Variants in PML observed in about 807,000 individuals in gnomAD.
The protein encoded by PML is PML nuclear body scaffold, also known as protein PML.
A neutral mutation model predicts 65.2 loss-of-function variants in PML; 28 were observed. That is an observed-to-expected ratio of 0.43 (90% CI 0.32 to 0.59). The LOEUF is 0.59. Ranked by LOEUF, PML falls within the 20% of genes least tolerant of loss-of-function variation. PML has a pLI of 0.08. For synonymous variants in PML, 500 were observed against 508.8 expected (o/e 0.98, Z 0.23); for missense variants, 1,021 against 1,203.4 (o/e 0.85, Z 2.24).
chr15:74,043,142 G>T lies in PML; in HGVS notation c.1861+3G>T. The T allele has an allele frequency of 6.2e-7, 1 of 1,613,752 alleles. No individual in the cohort carries two copies. Among genetic ancestry groups the T allele is most frequent in the South Asian group, 1.1e-5 (1 of 91,056 alleles). On this transcript the variant is annotated splice_donor_region_variant and intron_variant, in intron 8 of 8. Transcript: ENST00000268058. The surrounding 1 kb of genome is among the most constrained non-coding windows in gnomAD (Gnocchi z 4.3). ...TGACCTCAAGATTGACAATGAAAGTGGGTTCTCCTGGGGCTACCCCCACCC... is the reference window on the plus strand; with the variant it reads ...TGACCTCAAGATTGACAATGAAAGTTGGTTCTCCTGGGGCTACCCCCACCC...
At chr15:74,038,166 A>G (rs1223304202) in intron 7 of PML, among the ~76,000 whole-genome samples, 5 of 152,178 alleles carry the variant, frequency 3.3e-5, no homozygotes. Context: ...GTAAAATTAA[A>G]GCTACCACTG....
At chr15:74,003,843 A>G (rs1427617653) in intron 2 of PML, among the ~76,000 whole-genome samples, 2 of 152,214 alleles carry the variant, frequency 1.3e-5, no homozygotes, top group Non-Finnish European at 1.5e-5. Context: ...ATACTCCATC[A>G]AGTAATTAAA....
In PML at chr15:74,042,001, A is replaced by C. The variant is rs979639480; in HGVS notation, c.1711-988A>C. Among the ~76,000 whole-genome samples the C allele has an allele frequency of 7.9e-5, 12 of 152,170 alleles. No individual in the cohort carries two copies. The highest frequency in any genetic ancestry group is 2.9e-4 in the African/African-American group (12 of 41,424). The stretch of plus-strand genomic sequence containing the variant: ...AACGTCCACAGGTGGCATTCATGGG[A>C]GGTTCCAAGTTGGTCATCAAAGACT... On this transcript the variant is annotated intron_variant, in intron 7 of 8. Coordinates refer to ENST00000268058, the MANE Select transcript of PML (RefSeq NM_033238.3). This position sits in a 1 kb window ranked among gnomAD's most constrained non-coding sequence, Gnocchi z 5.3.
At chr15:74,025,937 C>T in intron 4 of PML, 1 of 152,520 alleles carries the variant, frequency 6.6e-6, no homozygotes, top group Non-Finnish European at 1.5e-5. Context: ...CTAGCTTTTG[C>T]CATGGCATGA....
At chr15:74,034,396 G>A in intron 6 of PML, 82 bp from the exon 7 acceptor site, 1 of 1,599,726 alleles carries the variant, frequency 6.3e-7, no homozygotes, top group Non-Finnish European at 8.6e-7. Context: ...TGGCCTGCAA[G>A]GATTCCCATA....
intron 2 of PML, among the ~76,000 whole-genome samples, chr15:74,001,123 C>T (rs1026082812): frequency 3.3e-5 from 5 of 152,068 alleles, no homozygotes; most frequent in Non-Finnish European, 7.4e-5. Context: ...AACTATACCC[C>T]CTTTTTTTAT....
rs1379273437 is a variant in PML, at chr15:74,035,911, C to T, written c.1710+1381C>T. ...CCACCCTGTGCCCCAGAAAGGCCCC[C>T]CATCAGCCCAGTCCCAGGCGCCCGT... On this transcript the variant is annotated intron_variant, in intron 7 of 8. Transcript: ENST00000268058. The surrounding 1 kb of genome is among the most constrained non-coding windows in gnomAD (Gnocchi z 4.1). 1 of 1,613,932 alleles carries T rather than the reference C, an allele frequency of 6.2e-7. No homozygotes were observed.
rs370009213 is a variant in PML, at chr15:74,035,912, C to A, written c.1710+1382C>A. On this transcript the variant is annotated intron_variant, in intron 7 of 8. Transcript: ENST00000268058. The surrounding 1 kb of genome is among the most constrained non-coding windows in gnomAD (Gnocchi z 4.1). ...CACCCTGTGCCCCAGAAAGGCCCCC[C>A]ATCAGCCCAGTCCCAGGCGCCCGTC... 8.1e-6 allele frequency: 13 copies of A among 1,613,808 alleles called. No homozygotes were observed. The highest frequency in any genetic ancestry group is 1.1e-5 in the South Asian group (1 of 91,092).
At chr15:74,017,130 T>G (rs2070629056) in intron 2 of PML, among the ~76,000 whole-genome samples, 1 of 152,140 alleles carries the variant, frequency 6.6e-6, no homozygotes, top group Non-Finnish European at 1.5e-5. Flanking sequence ...ATGGTTTCTT[T>G]TATTTCTTCA....
chr15:74,022,541 G>T (rs2070886935), intron 2 of PML, among the ~76,000 whole-genome samples: 1 of 152,148 alleles, frequency 6.6e-6, no homozygotes, highest in African/African-American at 2.4e-5. Flanking sequence ...TCCTCGGTGG[G>T]GAAGGGAAAT....
intron 2 of PML, among the ~76,000 whole-genome samples, chr15:74,021,312 C>G (rs2070822957): frequency 6.6e-6 from 1 of 152,176 alleles, no homozygotes; most frequent in South Asian, 2.1e-4. Flanking sequence ...CCAGGCCAGG[C>G]ACGGTGGCTC....
rs185325340 is a variant in PML at position 74,014,683 on chromosome 15, A to T, written c.603-8145A>T. Among the ~76,000 whole-genome samples, 6 of 150,264 alleles carry T rather than the reference A, an allele frequency of 4.0e-5. No individual in the cohort carries two copies. The East Asian group carries it at 1.2e-3, about 31-fold the overall frequency. On this transcript the variant is annotated intron_variant, in intron 2 of 8. Transcript: ENST00000268058. ...AGGCTGAGGCAGGAGAATCACTTGA[A>T]CCTGGAAGGCAGAGGTTGCAGTGAG...
chr15:73,997,994 G>T lies in PML; in HGVS notation c.130-10G>T. The T allele has an allele frequency of 1.2e-6, 2 of 1,610,906 alleles. No homozygotes were observed. Among genetic ancestry groups the T allele is most frequent in the South Asian group, 2.2e-5 (2 of 90,976 alleles). On this transcript the variant is annotated splice_polypyrimidine_tract_variant and intron_variant, in intron 1 of 8. Transcript: ENST00000268058. ...TTCTCCAGGCCTCACCTGCCTCTCTGGTCCCCCAGCGAGCCCCCGCTTCGG... is the reference window on the plus strand; with the variant it reads ...TTCTCCAGGCCTCACCTGCCTCTCTTGTCCCCCAGCGAGCCCCCGCTTCGG...
At chr15:74,002,255 T>C (rs539967594) in intron 2 of PML, among the ~76,000 whole-genome samples, 14 of 152,104 alleles carry the variant, frequency 9.2e-5, no homozygotes, top group African/African-American at 3.1e-4. Flanking sequence ...TTCCTAGCAA[T>C]AATCCTTAGA....
intron 2 of PML, among the ~76,000 whole-genome samples, chr15:74,000,082 C>T (rs1360933511): frequency 2.0e-5 from 3 of 152,140 alleles, no homozygotes; most frequent in East Asian, 3.9e-4. Flanking sequence ...CCACCTGCCT[C>T]GGCCTCCCAA....
intron 2 of PML, among the ~76,000 whole-genome samples, chr15:74,003,024 G>A (rs941999274): frequency 1.3e-5 from 2 of 152,134 alleles, no homozygotes; most frequent in African/African-American, 2.4e-5. Context: ...TATTCGGGAG[G>A]TGGAGGTATT....
rs2141898339 is a variant in PML, at chr15:74,044,507, G to A, written c.2148G>A (p.Glu716=). The part of the protein sequence containing the change: ...GFLAALPLIR[E]RVPGASSFKL... ...TGGCTGCCCTGCCTCTCATCCGGGA[G>A]CGTGTGCCCGGGGCCAGCAGCTTCA... The change falls in exon 9 of 9, where the codon GAG becomes GAA. Residue 716 remains glutamate (E), a synonymous_variant. Transcript: ENST00000268058. The A allele has an allele frequency of 1.9e-6, 3 of 1,614,130 alleles. No individual in the cohort carries two copies. Among genetic ancestry groups the A allele is most frequent in the Non-Finnish European group, 2.5e-6 (3 of 1,180,034 alleles).
intron 7 of PML, 173 bp downstream of exon 7, chr15:74,034,703 T>A: frequency 6.5e-7 from 1 of 1,533,472 alleles, no homozygotes. Context: ...GCTGCATGCC[T>A]GGACCACCCC....
chr15:74,035,581 A>G lies in PML; in HGVS notation c.1710+1051A>G, dbSNP rs762452812. On this transcript the variant is annotated intron_variant, in intron 7 of 8. Transcript: ENST00000268058. This position sits in a 1 kb window ranked among gnomAD's most constrained non-coding sequence, Gnocchi z 4.1. ...ACAGGGCCCCTCAACCATCCTGCCA[A>G]TGCCCAGGAACATCCTGCCCAGCTG... The G allele has an allele frequency of 6.2e-6, 10 of 1,611,802 alleles. No individual in the cohort carries two copies. In the African/African-American group the frequency reaches 1.1e-4, roughly 17 times the overall value.
Sources: gnomAD v4.1 joint callset for allele counts (sites outside exome capture counted in the v4.1 genomes callset) on GRCh38, gnomAD v4.1.1 for gene constraint, Gnocchi (gnomAD v3.1) non-coding constraint, MANE v1.5 for transcripts, NCBI Gene and HGNC (gene_info 2026-07-23, HGNC 2026-07-21) for gene names.